MAP4: variants seen among roughly 807,000 people sequenced by gnomAD.
MAP4 encodes microtubule associated protein 4.
In MAP4, 76 loss-of-function variants were observed where a neutral mutation model predicts 170.2. The observed-to-expected ratio is 0.45, with a 90% CI of 0.37 to 0.54. MAP4 has a LOEUF of 0.54. Among genes scored for constraint, MAP4 ranks in the 20% least tolerant of loss-of-function variants. MAP4 has a pLI of 0.00. For synonymous variants in MAP4, 909 were observed against 994.5 expected (o/e 0.91, Z 1.62); for missense variants, 2,506 against 2,748.0 (o/e 0.91, Z 1.97).
chr3:48,073,250 AATACACACAC>A (rs1439181819), intron 1 of MAP4, among the ~76,000 whole-genome samples: 11 of 117,152 alleles, frequency 9.4e-5, no homozygotes, highest in African/African-American at 3.1e-4. Context: ...AATCCAAAGG[AATACACACAC>A]ACACACACAC....
At chr3:47,888,881 C>T (rs780375371) in intron 10 of MAP4, among the ~76,000 whole-genome samples, 23 of 152,174 alleles carry the variant, frequency 1.5e-4, no homozygotes, top group Admixed American at 2.6e-4. Flanking sequence ...GTCTAAATGG[C>T]TCAGATTGGT....
At chr3:48,064,036 CCAAA>C (rs1385308496) in intron 1 of MAP4, among the ~76,000 whole-genome samples, 1 of 152,138 alleles carries the variant, frequency 6.6e-6, no homozygotes. Flanking sequence ...TAGACTTAGC[CCAAA>C]CTAACTTTGT....
intron 10 of MAP4, among the ~76,000 whole-genome samples, chr3:47,880,766 A>G (rs1324293941): frequency 6.6e-6 from 1 of 152,180 alleles, no homozygotes; most frequent in Non-Finnish European, 1.5e-5. Context: ...CCCCATCATA[A>G]TTTCAATCTT....
intron 3 of MAP4, among the ~76,000 whole-genome samples, chr3:47,942,693 T>C (rs1415727660): frequency 6.6e-6 from 1 of 152,210 alleles, no homozygotes; most frequent in Non-Finnish European, 1.5e-5. Context: ...ACAAGGAAAA[T>C]ACGTGTATAT....
intron 1 of MAP4, among the ~76,000 whole-genome samples, chr3:48,067,396 A>G (rs1398135038): frequency 6.6e-6 from 1 of 152,094 alleles, no homozygotes; most frequent in Non-Finnish European, 1.5e-5. Context: ...TGGTGCAATC[A>G]TGGCTTACTG....
chr3:48,051,940 C>G (rs1256758126), intron 1 of MAP4, among the ~76,000 whole-genome samples: 1 of 152,212 alleles, frequency 6.6e-6, no homozygotes, highest in Non-Finnish European at 1.5e-5. Flanking sequence ...TAACTCTCTT[C>G]CAGAGTTTCT....
intron 13 of MAP4, 128 bp from the exon 14 acceptor site, chr3:47,871,414 C>T: frequency 2.5e-6 from 2 of 788,156 alleles, no homozygotes; most frequent in Admixed American, 2.1e-5. Context: ...CTGTGTTAGT[C>T]CCTGGGAATG....
intron 3 of MAP4, among the ~76,000 whole-genome samples, chr3:47,957,636 G>C (rs1176019557): frequency 6.6e-6 from 1 of 152,156 alleles, no homozygotes; most frequent in South Asian, 2.1e-4. Flanking sequence ...TCCTGACCAA[G>C]AAAGTCATTT....
Position 48,010,490 on chromosome 3 carries a change from G to A in MAP4, c.-20+5844C>T, listed in dbSNP as rs376120736. On this transcript the variant is annotated intron_variant, in intron 1 of 20. Coordinates refer to ENST00000683076, the MANE Select transcript of MAP4 (RefSeq NM_001385682.1). ...GTAATAGTATTTGGGTTGGGGATTG[G>A]TGTGTTTCTGGTTGTATGAAGGATA... 7.4e-4 allele frequency among the ~76,000 whole-genome samples: 113 copies of A among 152,248 alleles called. 1 individual carries two copies. Among genetic ancestry groups the A allele is most frequent in the African/African-American group, 2.6e-3 (109 of 41,526 alleles).
At chr3:48,078,516 T>C (rs139374733) in intron 1 of MAP4, among the ~76,000 whole-genome samples, 2 of 151,984 alleles carry the variant, frequency 1.3e-5, no homozygotes, top group African/African-American at 2.4e-5. Flanking sequence ...TCAACTTTTT[T>C]AAATGTGGAA....
chr3:48,020,951 A>T (rs1023434364), upstream of MAP4, among the ~76,000 whole-genome samples: 4 of 152,194 alleles, frequency 2.6e-5, no homozygotes, highest in African/African-American at 7.2e-5. Flanking sequence ...AGCATGTGCT[A>T]CTGCACCAAA....
At chr3:47,870,282 T>C (rs992756595) in intron 15 of MAP4, among the ~76,000 whole-genome samples, 4 of 152,182 alleles carry the variant, frequency 2.6e-5, no homozygotes, top group Admixed American at 1.3e-4. Flanking sequence ...TCCATCACTA[T>C]ATGCAGTGCA....
intron 1 of MAP4, among the ~76,000 whole-genome samples, chr3:48,055,946 A>C (rs2154553194): frequency 2.3e-5 from 2 of 85,510 alleles, no homozygotes; most frequent in South Asian, 6.9e-4. Context: ...CCGTCTGAGA[A>C]GTGAGGAGAC....
At chr3:47,893,878 G>A (rs1031224346) in intron 10 of MAP4, among the ~76,000 whole-genome samples, 16 of 151,632 alleles carry the variant, frequency 1.1e-4, no homozygotes, top group African/African-American at 3.4e-4. Flanking sequence ...TCTATAAAAT[G>A]TAAAGAAATT....
chr3:47,987,711 G>T (rs1040848798), intron 2 of MAP4, among the ~76,000 whole-genome samples: 11 of 152,146 alleles, frequency 7.2e-5, no homozygotes, highest in Non-Finnish European at 5.9e-5. Flanking sequence ...TCAGATGATG[G>T]CAATTCTTTC....
chr3:47,871,855 G>A, intron 13 of MAP4, 62 bp downstream of exon 13: 1 of 1,503,844 alleles, frequency 6.6e-7, no homozygotes, highest in Non-Finnish European at 9.1e-7. Context: ...CTATGGCTGG[G>A]GCAAAGCCAA....
Position 47,857,520 on chromosome 3 carries a change from G to GA in MAP4, c.6502-9dup. On this transcript the variant is annotated splice_polypyrimidine_tract_variant and intron_variant, in intron 17 of 20. Coordinates refer to ENST00000683076, the MANE Select transcript of MAP4 (RefSeq NM_001385682.1). ...CTTGTTCTGAATCTGAACCTGAAGA[G>GA]AAGGACACAAAAGACTCATTCAGAG... 6.3e-7 allele frequency: 1 copy of GA among 1,598,132 alleles called. No individual in the cohort carries two copies. The highest frequency in any genetic ancestry group is 8.6e-7 in the Non-Finnish European group (1 of 1,166,200).
At chr3:48,025,292 C>CTTTT (rs35840095) in intron 1 of MAP4, among the ~76,000 whole-genome samples, 1 of 137,204 alleles carries the variant, frequency 7.3e-6, no homozygotes, top group Non-Finnish European at 1.6e-5. Flanking sequence ...TACCTACACA[C>CTTTT]TTTTTTTTTT....
At chr3:47,945,821 G>T (rs1198341157) in intron 3 of MAP4, among the ~76,000 whole-genome samples, 1 of 152,008 alleles carries the variant, frequency 6.6e-6, no homozygotes, top group Non-Finnish European at 1.5e-5. Context: ...CTGGGCTCAA[G>T]TGACCTCAGT....
Sources: gnomAD v4.1 joint callset for allele counts (sites outside exome capture counted in the v4.1 genomes callset) on GRCh38, gnomAD v4.1.1 for gene constraint, MANE v1.5 for transcripts, NCBI Gene and HGNC (gene_info 2026-07-23, HGNC 2026-07-21) for gene names.